The following DDX46 variants were observed in gnomAD, a reference collection of about 807,000 sequenced individuals.
DDX46 encodes probable ATP-dependent RNA helicase DDX46.
Under a neutral mutation model 134.9 loss-of-function variants are expected in DDX46, and 30 were observed. The ratio of observed to expected loss-of-function variants is 0.22; its 90% CI spans 0.17 to 0.30. DDX46 has a LOEUF of 0.30. Among genes scored for constraint, DDX46 ranks in the 10% least tolerant of loss-of-function variants. The pLI is 1.00. For synonymous variants in DDX46, 415 were observed against 404.1 expected (o/e 1.03, Z -0.32); for missense variants, 622 against 1,248.7 (o/e 0.50, Z 7.56).
chr5:134,819,025 T>G (rs772338909), intron 21 of DDX46, 21 bp downstream of exon 21: 7 of 1,610,114 alleles, frequency 4.3e-6, no homozygotes, highest in Middle Eastern at 1.7e-4. Context: ...TTAGTTCTGT[T>G]TCAATCTTGA....
chr5:134,811,779 G>A lies in DDX46; in HGVS notation c.2370G>A (p.Glu790=). ...FDETEQALAN[E]RKKLQKAALG... is the part of the protein sequence containing the mutation. ...AAACAGAACAAGCTTTGGCTAATGA[G>A]AGGAAGAAGTTACAAAAAGCAGCTC... is the stretch of plus-strand genomic sequence containing the variant. Residue 790 remains glutamate, a synonymous_variant, in exon 18 of 23, where the codon GAG becomes GAA. Transcript: ENST00000452510. 1 of 1,614,038 alleles carries A rather than the reference G, an allele frequency of 6.2e-7. No individual in the cohort carries two copies. Among genetic ancestry groups the A allele is most frequent in the Non-Finnish European group, 8.5e-7 (1 of 1,179,982 alleles).
chr5:134,782,622 C>T (rs565355903), intron 8 of DDX46, among the ~76,000 whole-genome samples: 3 of 152,162 alleles, frequency 2.0e-5, no homozygotes, highest in East Asian at 1.9e-4. Context: ...CCACACCCCC[C>T]GTTCCCACCC....
chr5:134,788,606 T>A lies in DDX46; in HGVS notation c.1543+15T>A. On this transcript the variant is annotated intron_variant, in intron 12 of 22. Coordinates refer to ENST00000452510, the MANE Select transcript of DDX46 (RefSeq NM_001300860.2). ...CGCTAACAGTGGTAAGTCAGGGGTA[T>A]TTTTTTGGTGTCTTTTATTTTTGAA... 6.2e-7 allele frequency: 1 copy of A among 1,605,072 alleles called. No individual in the cohort carries two copies. The highest frequency in any genetic ancestry group is 1.1e-5 in the South Asian group (1 of 89,972).
chr5:134,784,641 G>T, intron 10 of DDX46, 100 bp downstream of exon 10: 1 of 1,310,576 alleles, frequency 7.6e-7, no homozygotes, highest in Non-Finnish European at 1.0e-6. Context: ...CAATGAAGTT[G>T]TCTTTATGTA....
At chr5:134,768,176 C>G (rs1353259161) in intron 3 of DDX46, among the ~76,000 whole-genome samples, 1 of 150,982 alleles carries the variant, frequency 6.6e-6, no homozygotes, top group Admixed American at 6.6e-5. Context: ...GTGGTGCAAT[C>G]TCGGCTCACT....
chr5:134,765,328 G>A (rs747316441), intron 2 of DDX46, among the ~76,000 whole-genome samples: 1 of 148,514 alleles, frequency 6.7e-6, no homozygotes, highest in Non-Finnish European at 1.5e-5. Flanking sequence ...GGTGAATCAC[G>A]AGGTCAGGAG....
intron 22 of DDX46, 89 bp downstream of exon 22, chr5:134,827,109 A>T: frequency 7.7e-7 from 1 of 1,295,480 alleles, no homozygotes; most frequent in Non-Finnish European, 1.1e-6. Flanking sequence ...AATCATAAAC[A>T]TATAGTTTGA....
intron 5 of DDX46, among the ~76,000 whole-genome samples, chr5:134,774,709 T>A (rs1753881060): frequency 6.6e-6 from 1 of 152,118 alleles, no homozygotes; most frequent in Non-Finnish European, 1.5e-5. Flanking sequence ...CTTTTTCATG[T>A]TTTTGGAGAT....
chr5:134,790,273 CAG>C, intron 12 of DDX46, 195 bp from the exon 13 acceptor site: 1 of 631,972 alleles, frequency 1.6e-6, no homozygotes, highest in Non-Finnish European at 2.8e-6. Flanking sequence ...TACCCATTGT[CAG>C]AAAGTATTTG....
chr5:134,766,116 ATTAGTGATCTT>A (rs1753559230), intron 2 of DDX46, among the ~76,000 whole-genome samples: 1 of 152,156 alleles, frequency 6.6e-6, no homozygotes, highest in Non-Finnish European at 1.5e-5. Context: ...TCATCTTCAG[ATTAGTGATCTT>A]TTAGTAGACC....
At chr5:134,791,178 A>T (rs374769996) in intron 13 of DDX46, among the ~76,000 whole-genome samples, 3 of 152,218 alleles carry the variant, frequency 2.0e-5, no homozygotes, top group South Asian at 2.1e-4. Flanking sequence ...TATCTAGTCT[A>T]GATAGCACGT....
Position 134,781,593 on chromosome 5 carries a change from GTC to G in DDX46, c.880-324_880-323del, listed in dbSNP as rs548650069. Among the ~76,000 whole-genome samples, 120 of 152,248 alleles carry G rather than the reference GTC, an allele frequency of 7.9e-4. 1 individual carries two copies. The highest frequency in any genetic ancestry group is 2.8e-3 in the African/African-American group (118 of 41,530). On this transcript the variant is annotated intron_variant, in intron 7 of 22. Transcript: ENST00000452510. ...ACAGTAGCAAAGCCTTATTAGAGCT[GTC>G]TCTGATGATTACTGTTTTAGCTTTA...
intron 15 of DDX46, among the ~76,000 whole-genome samples, chr5:134,803,489 T>A (rs1754893306): frequency 6.6e-6 from 1 of 152,192 alleles, no homozygotes; most frequent in Admixed American, 6.5e-5. Flanking sequence ...GTGGTTTTTC[T>A]TATAAGACTG....
intron 21 of DDX46, among the ~76,000 whole-genome samples, chr5:134,821,174 A>C (rs990114187): frequency 3.3e-5 from 5 of 151,312 alleles, no homozygotes; most frequent in African/African-American, 1.2e-4. Context: ...AGCAGCTGGG[A>C]CTACAGGCGC....
Position 134,763,065 on chromosome 5 carries a change from A to T in DDX46, c.18-839A>T, listed in dbSNP as rs552642054. On this transcript the variant is annotated intron_variant, in intron 1 of 22. Transcript: ENST00000452510. ...CAGAGCCAGACTCTTTCTCAAAAAAAAAAAATAATAATAATAATTAGCTAA... is the reference window on the plus strand; with the variant it reads ...CAGAGCCAGACTCTTTCTCAAAAAATAAAAATAATAATAATAATTAGCTAA... 1.1e-4 allele frequency among the ~76,000 whole-genome samples: 17 copies of T among 152,072 alleles called. No individual in the cohort carries two copies. In the East Asian group the frequency reaches 1.4e-3, roughly 12 times the overall value.
chr5:134,822,710 G>T (rs1187466786), intron 21 of DDX46, among the ~76,000 whole-genome samples: 1 of 151,960 alleles, frequency 6.6e-6, no homozygotes, highest in Admixed American at 6.6e-5. Flanking sequence ...CATTTAGCTG[G>T]GACCACAGGT....
At chr5:134,798,502 C>A (rs1328986635) in intron 15 of DDX46, among the ~76,000 whole-genome samples, 1 of 152,176 alleles carries the variant, frequency 6.6e-6, no homozygotes, top group African/African-American at 2.4e-5. Flanking sequence ...CACGCCCGGC[C>A]TTAGAATGTA....
chr5:134,761,552 C>G (rs570307329), intron 1 of DDX46, among the ~76,000 whole-genome samples: 1 of 152,164 alleles, frequency 6.6e-6, no homozygotes, highest in Non-Finnish European at 1.5e-5. Flanking sequence ...CCTTTGTACA[C>G]TAATAGCTGT....
rs750947663 is a variant in DDX46, at chr5:134,763,921, C to T, written c.35C>T (p.Ser12Leu). Residue 12 changes from serine to leucine, a missense_variant, in exon 2 of 23, where the codon TCG becomes TTG. Transcript: ENST00000452510. ...TGTTCTAGCCACTATCGAAAACGAT[C>T]GGCATCCCGGGGTCGCTCTGGAAGT... ...GRESRHYRKRSASRGRSGSRS... is the reference protein window; with the variant it reads ...GRESRHYRKRLASRGRSGSRS... The T allele has an allele frequency of 4.3e-6, 7 of 1,613,796 alleles. No homozygotes were observed. The highest frequency in any genetic ancestry group is 1.7e-5 in the Admixed American group (1 of 59,910).
Sources: gnomAD v4.1 joint callset for allele counts (sites outside exome capture counted in the v4.1 genomes callset) on GRCh38, gnomAD v4.1.1 for gene constraint, MANE v1.5 for transcripts, NCBI Gene and HGNC (gene_info 2026-07-23, HGNC 2026-07-21) for gene names.